The following SAP130 variants were observed in gnomAD, a reference collection of about 807,000 sequenced individuals.
The protein encoded by SAP130 is histone deacetylase complex subunit SAP130.
Under a neutral mutation model 103.2 loss-of-function variants are expected in SAP130, and 16 were observed. That is an observed-to-expected ratio of 0.16 (90% CI 0.10 to 0.24). SAP130 has a LOEUF of 0.24. SAP130 is among the 10% of genes least tolerant of loss of function. The probability of loss-of-function intolerance (pLI) is 1.00; values close to 1 mark genes in which losing one functional copy is unlikely to be tolerated. For synonymous variants in SAP130, 477 were observed against 497.0 expected, an observed-to-expected ratio of 0.96 and a Z score of 0.53; for missense variants, 990 against 1,359.7, an observed-to-expected ratio of 0.73 and a Z score of 4.28.
intron 18 of SAP130, among the ~76,000 whole-genome samples, chr2:127,946,131 G>T (rs1679060483): frequency 6.6e-6 from 1 of 152,106 alleles, no homozygotes; most frequent in Admixed American, 6.6e-5. Context: ...TAAGGCCCTG[G>T]TTCAAACATT....
At chr2:127,957,608 T>A (rs1679933841) in intron 15 of SAP130, among the ~76,000 whole-genome samples, 1 of 151,606 alleles carries the variant, frequency 6.6e-6, no homozygotes, top group African/African-American at 2.4e-5. Flanking sequence ...CCTGGGAGGT[T>A]GAGGCCGCAA....
chr2:128,026,387 T>C (rs767871737), intron 1 of SAP130, 89 bp from the exon 2 acceptor site: 6 of 877,306 alleles, frequency 6.8e-6, no homozygotes, highest in Admixed American at 2.1e-5. Flanking sequence ...ACCTATGAGA[T>C]AGTCCCTTGG....
At chr2:127,981,329 C>T in intron 14 of SAP130, among the ~76,000 whole-genome samples, 1 of 146,508 alleles carries the variant, frequency 6.8e-6, no homozygotes, top group South Asian at 2.2e-4. Context: ...ATTCAGCTCC[C>T]CCACCCCAAC....
chr2:127,945,881 G>A (rs970370665), intron 18 of SAP130, among the ~76,000 whole-genome samples: 4 of 152,174 alleles, frequency 2.6e-5, no homozygotes, highest in African/African-American at 9.7e-5. Flanking sequence ...TTGAACTCCT[G>A]GGCTCAAGCA....
In SAP130 at chr2:127,980,839, G is replaced by C. The variant is rs1195333261; in HGVS notation, c.1959-2750C>G. The stretch of plus-strand genomic sequence containing the variant: ...TGAGCCTGGGGAGGTAAATGCTGCA[G>C]TAAGCTGTGATCGCGCCACCACAGT... On this transcript the variant is annotated intron_variant, in intron 14 of 20. Coordinates refer to ENST00000643581, the MANE Select transcript of SAP130 (RefSeq NM_001330301.2). Among the ~76,000 whole-genome samples the C allele has an allele frequency of 1.3e-5, 2 of 151,936 alleles. 1 individual carries two copies. Among genetic ancestry groups the C allele is most frequent in the Middle Eastern group, 6.3e-3 (2 of 316 alleles).
At chr2:127,957,840 TAA>T (rs1251579011) in intron 15 of SAP130, among the ~76,000 whole-genome samples, 4 of 151,770 alleles carry the variant, frequency 2.6e-5, no homozygotes, top group African/African-American at 7.3e-5. Flanking sequence ...AGACAGTAAA[TAA>T]GAGAGAAAAA....
chr2:128,025,465 G>A (rs1685438285), intron 2 of SAP130, among the ~76,000 whole-genome samples: 1 of 152,124 alleles, frequency 6.6e-6, no homozygotes, highest in Admixed American at 6.6e-5. Flanking sequence ...TCAGCCCTCT[G>A]TATCCATGGG....
Position 128,013,054 on chromosome 2 carries a change from C to T in SAP130, c.720G>A (p.Gln240=). Residue 240 remains glutamine (Q), a synonymous_variant, in exon 6 of 21, where the codon CAG becomes CAA. Transcript: ENST00000643581. ...PNAATAQPAV[Q]HIIHQPIQSR... ...CCTGGATTGGTTGGTGAATGATGTG[C>T]TGTACTGCTGGCTGAGCAGTAGCAG... is the stretch of plus-strand genomic sequence containing the variant. 1.2e-6 allele frequency: 2 copies of T among 1,613,040 alleles called. No homozygotes were observed. Among genetic ancestry groups the T allele is most frequent in the African/African-American group, 1.3e-5 (1 of 74,808 alleles).
At chr2:127,995,382 A>T (rs1683103095) in intron 11 of SAP130, among the ~76,000 whole-genome samples, 1 of 152,232 alleles carries the variant, frequency 6.6e-6, no homozygotes, top group Non-Finnish European at 1.5e-5. Context: ...ACAGAAGCAG[A>T]CAGAAAGAAC....
At chr2:127,988,153 T>C (rs2105000556) in intron 13 of SAP130, among the ~76,000 whole-genome samples, 1 of 152,354 alleles carries the variant, frequency 6.6e-6, no homozygotes, top group South Asian at 2.1e-4. Context: ...CCAGGCACAG[T>C]GGCTGATGCC....
chr2:127,969,932 T>TA (rs1680946445), intron 15 of SAP130, among the ~76,000 whole-genome samples: 1 of 152,116 alleles, frequency 6.6e-6, no homozygotes, highest in African/African-American at 2.4e-5. Context: ...TTGTCTCTAC[T>TA]AAAAAAATTT....
At chr2:127,962,494 A>G (rs1680325887) in intron 15 of SAP130, among the ~76,000 whole-genome samples, 1 of 152,238 alleles carries the variant, frequency 6.6e-6, no homozygotes, top group Non-Finnish European at 1.5e-5. Context: ...TCCAAAAACG[A>G]TAGACTGGAT....
intron 1 of SAP130, among the ~76,000 whole-genome samples, chr2:128,026,632 T>G (rs1006632381): frequency 1.3e-5 from 2 of 152,190 alleles, no homozygotes; most frequent in Non-Finnish European, 2.9e-5. Context: ...TGTGTAAAGT[T>G]TTATGGAAAA....
At chr2:127,990,817 T>C (rs1416197414) in intron 12 of SAP130, among the ~76,000 whole-genome samples, 1 of 151,620 alleles carries the variant, frequency 6.6e-6, no homozygotes, top group Non-Finnish European at 1.5e-5. Context: ...AACACATGCC[T>C]GTGGTTCCAG....
At chr2:127,944,231 C>T (rs114557042) in intron 19 of SAP130, among the ~76,000 whole-genome samples, 3,460 of 151,980 alleles carry the variant, frequency 0.023, 99 homozygotes, top group East Asian at 0.14. Context: ...AGACAGGGTC[C>T]CACTATGTTG....
chr2:127,977,246 T>A (rs1320143368), intron 15 of SAP130, among the ~76,000 whole-genome samples: 1 of 151,488 alleles, frequency 6.6e-6, no homozygotes, highest in African/African-American at 2.4e-5. Flanking sequence ...TCCCAGCACT[T>A]TGGGAGGCTG....
rs1487195941 is a variant in SAP130 at position 127,986,848 on chromosome 2, T to C, written c.1895A>G (p.Asn632Ser). 1 of 1,614,134 alleles carries C rather than the reference T, an allele frequency of 6.2e-7. No homozygotes were observed. The highest frequency in any genetic ancestry group is 1.3e-5 in the African/African-American group (1 of 74,948). The part of the protein sequence containing the change: ...VQTHSQSAST[N>S]APAQGSSPRP... ...TGGCGATGAGCCCTGGGCGGGAGCG[T>C]TGGTGCTAGCACTCTGGCTGTGGGT... Residue 632 changes from asparagine (N) to serine (S), a missense_variant, in exon 14 of 21, where the codon AAC becomes AGC. Coordinates refer to ENST00000643581, the MANE Select transcript of SAP130 (RefSeq NM_001330301.2). This position sits in a 1 kb window ranked among gnomAD's most constrained non-coding sequence, Gnocchi z 4.7.
chr2:127,982,943 T>C (rs941137854), intron 14 of SAP130, among the ~76,000 whole-genome samples: 9 of 152,070 alleles, frequency 5.9e-5, no homozygotes, highest in African/African-American at 9.7e-5. Context: ...GCTAGGGGCA[T>C]GGGAGCACAG....
intron 7 of SAP130, among the ~76,000 whole-genome samples, chr2:128,001,029 C>T (rs531436629): frequency 6.6e-6 from 1 of 152,338 alleles, no homozygotes; most frequent in East Asian, 1.9e-4. Context: ...GGATTAACAG[C>T]AGCTTAAACT....
Sources: allele counts gnomAD v4.1 joint callset (sites outside exome capture counted in the v4.1 genomes callset), GRCh38; gene constraint gnomAD v4.1.1; non-coding constraint Gnocchi (gnomAD v3.1); transcripts MANE v1.5; gene names NCBI Gene and HGNC (gene_info 2026-07-23, HGNC 2026-07-21).